EIF4G2: variants seen among roughly 807,000 people sequenced by gnomAD.
EIF4G2 encodes eukaryotic translation initiation factor 4 gamma 2, also known as DAP-5.
In EIF4G2, 8 loss-of-function variants were observed where a neutral mutation model predicts 117.7. The ratio of observed to expected loss-of-function variants is 0.07; its 90% CI spans 0.04 to 0.12. EIF4G2 has a LOEUF of 0.12. Among genes scored for constraint, EIF4G2 ranks in the 10% least tolerant of loss-of-function variants. The pLI is 1.00. For synonymous variants in EIF4G2, 413 were observed against 367.8 expected, an observed-to-expected ratio of 1.12 and a Z score of -1.41; for missense variants, 812 against 1,086.2, an observed-to-expected ratio of 0.75 and a Z score of 3.55.
chr11:10,805,349 C>A (rs1847535061), intron 4 of EIF4G2, among the ~76,000 whole-genome samples: 1 of 152,172 alleles, frequency 6.6e-6, no homozygotes, highest in African/African-American at 2.4e-5. Flanking sequence ...ATAGCACTTC[C>A]CTTAGTCAAG....
At chr11:10,798,926 T>G in intron 21 of EIF4G2, 66 bp downstream of exon 21, 1 of 1,551,880 alleles carries the variant, frequency 6.4e-7, no homozygotes, top group Non-Finnish European at 8.7e-7. Flanking sequence ...TGAAAAAGGC[T>G]CTTAACTTGA....
At chr11:10,806,985 G>C (rs1370242168) in intron 2 of EIF4G2, 100 bp from the exon 3 acceptor site, 6 of 1,409,502 alleles carry the variant, frequency 4.3e-6, no homozygotes, top group Non-Finnish European at 5.9e-6. Flanking sequence ...AGAGATGGGG[G>C]TCTCGCTATT....
Position 10,805,824 on chromosome 11 carries a change from G to A in EIF4G2, c.248+83C>T, listed in dbSNP as rs1004792428. On this transcript the variant is annotated intron_variant, in intron 4 of 21. Transcript: ENST00000339995. Reference sequence around the variant, plus strand: ...CATACATACTCTGGGCATGAACCTTGCCTTCTTAGTAATACAGCACACACA... The same window carrying A: ...CATACATACTCTGGGCATGAACCTTACCTTCTTAGTAATACAGCACACACA... The A allele has an allele frequency of 7.6e-6, 12 of 1,584,130 alleles. No homozygotes were observed. In the African/African-American group the frequency reaches 1.3e-4, roughly 18 times the overall value.
At chr11:10,801,401 C>G in intron 14 of EIF4G2, 1 of 644,252 alleles carries the variant, frequency 1.6e-6, no homozygotes, top group Non-Finnish European at 2.7e-6. Context: ...TTAAATCACC[C>G]TTACAAAGAA....
At chr11:10,801,890 G>C in intron 13 of EIF4G2, 116 bp from the exon 14 acceptor site, 1 of 1,160,960 alleles carries the variant, frequency 8.6e-7, no homozygotes, top group Non-Finnish European at 1.2e-6. Flanking sequence ...TTTGCCCAGA[G>C]AAAGTAAAAG....
intron 4 of EIF4G2, among the ~76,000 whole-genome samples, chr11:10,805,512 G>A (rs560337732): frequency 3.3e-5 from 5 of 152,014 alleles, no homozygotes; most frequent in South Asian, 4.2e-4. Flanking sequence ...GTGCAGTGGC[G>A]TGATCTCGGC....
chr11:10,808,504 TC>T (rs1302168394), intron 1 of EIF4G2, 200 bp downstream of exon 1: 1 of 1,232,196 alleles, frequency 8.1e-7, no homozygotes, highest in African/African-American at 1.6e-5. Flanking sequence ...ACTGACGTTT[TC>T]CTTCTACTCC....
At chr11:10,808,040 A>C (rs1160187135) in intron 1 of EIF4G2, 1 of 1,029,726 alleles carries the variant, frequency 9.7e-7, no homozygotes, top group Non-Finnish European at 1.2e-6. Flanking sequence ...CTCGACGGGG[A>C]GGAGCAGCTG....
intron 11 of EIF4G2, 39 bp downstream of exon 11, chr11:10,802,991 C>T (rs1315514198): frequency 1.9e-6 from 3 of 1,581,326 alleles, no homozygotes; most frequent in Admixed American, 3.4e-5. Context: ...TCTACACACA[C>T]AGAGTCTATG....
Position 10,803,354 on chromosome 11 carries a change from T to C in EIF4G2, c.814-60A>G. On this transcript the variant is annotated intron_variant, in intron 9 of 21. Transcript: ENST00000339995. This position sits in a 1 kb window ranked among gnomAD's most constrained non-coding sequence, Gnocchi z 4.0. ...AAAGCAAATGTGTTCAATTTACAGC[T>C]TTAAGACTTCTAAAATTATAACCCA... 6.3e-7 allele frequency: 1 copy of C among 1,588,184 alleles called. No homozygotes were observed. Among genetic ancestry groups the C allele is most frequent in the East Asian group, 2.2e-5 (1 of 44,676 alleles).
rs1303081564 is a variant in EIF4G2, at chr11:10,802,112, T to A, written c.1236A>T (p.Gly412=). The change falls in exon 13 of 22, where the codon GGA becomes GGT. Residue 412 remains glycine, a synonymous_variant. Coordinates refer to ENST00000339995, the MANE Select transcript of EIF4G2 (RefSeq NM_001418.4). Reference sequence around the variant, plus strand: ...GCGATTGTGTGGGAGGCATGATGTGTCCCCCATGGCCATTGAAGAGTTGAT... The same window carrying A: ...GCGATTGTGTGGGAGGCATGATGTGACCCCCATGGCCATTGAAGAGTTGAT... 1.7e-6 allele frequency: 2 copies of A among 1,185,776 alleles called. No homozygotes were observed. The highest frequency in any genetic ancestry group is 2.1e-6 in the Non-Finnish European group (2 of 937,942). 73.5% of individuals were successfully genotyped at this position (1,185,776 alleles called of 1,614,324 possible). A position where few individuals can be genotyped will look rare whatever the true frequency, so the allele number is the denominator to read the frequency against.
chr11:10,800,823 C>A lies in EIF4G2; in HGVS notation c.1552G>T (p.Gly518Cys). Residue 518 changes from glycine to cysteine, a missense_variant, in exon 16 of 22, where the codon GGT (glycine) becomes TGT (cysteine). By Grantham distance (159) the Gly-to-Cys change is radical. Around this residue, in one of 4 missense-constraint regions of EIF4G2, gnomAD observed 571 missense variants for 642.3 expected, o/e 0.89. Coordinates refer to ENST00000339995, the MANE Select transcript of EIF4G2 (RefSeq NM_001418.4). ...ATAAGCGGTGGATTAGTTTTGAGAC[C>A]AAGCTGAGGTGTCTAAAAAACAAGC... is the stretch of plus-strand genomic sequence containing the variant. 1.9e-6 allele frequency: 3 copies of A among 1,613,926 alleles called. No homozygotes were observed. The highest frequency in any genetic ancestry group is 2.5e-6 in the Non-Finnish European group (3 of 1,179,964).
At chr11:10,799,888 CA>C in intron 18 of EIF4G2, 132 bp from the exon 19 acceptor site, 1 of 1,234,760 alleles carries the variant, frequency 8.1e-7, no homozygotes, top group Non-Finnish European at 1.1e-6. Flanking sequence ...ACCAACCCAG[CA>C]AATGAAAAAA....
chr11:10,801,197 C>T (rs1430190428), intron 14 of EIF4G2, 110 bp from the exon 15 acceptor site: 1 of 1,474,814 alleles, frequency 6.8e-7, no homozygotes, highest in Non-Finnish European at 9.0e-7. Context: ...AAACATTAAG[C>T]TTTTTGAAAA....
At chr11:10,798,808 A>G in intron 21 of EIF4G2, 184 bp downstream of exon 21, 1 of 717,580 alleles carries the variant, frequency 1.4e-6, no homozygotes, top group South Asian at 2.3e-5. Context: ...ACACCACTAG[A>G]ATTGATTCAT....
At chr11:10,806,751 T>A in intron 3 of EIF4G2, 69 bp downstream of exon 3, 1 of 1,556,172 alleles carries the variant, frequency 6.4e-7, no homozygotes, top group Non-Finnish European at 8.9e-7. Flanking sequence ...GCCTTAATTA[T>A]ACCGTCACAT....
At chr11:10,801,400 C>A in intron 14 of EIF4G2, 1 of 640,668 alleles carries the variant, frequency 1.6e-6, no homozygotes, top group Non-Finnish European at 2.7e-6. Context: ...GTTAAATCAC[C>A]CTTACAAAGA....
Position 10,799,028 on chromosome 11 carries a change from G to A in EIF4G2, c.2622C>T (p.Thr874=), listed in dbSNP as rs571005968. 42 of 1,610,964 alleles carry A rather than the reference G, an allele frequency of 2.6e-5. 2 individuals are homozygous for A. The South Asian group carries it at 4.4e-4, about 17-fold the overall frequency. The change falls in exon 21 of 22, where the codon ACC becomes ACT. Residue 874 remains threonine, a synonymous_variant. Transcript: ENST00000339995. ...CCTTGCCTTTTCCCGGAAACTCTTG[G>A]GTTATATCTTCTTTCCAAGCCAAGA...
At chr11:10,808,218 TCA>T (rs1254047856) in intron 1 of EIF4G2, 2 of 1,135,558 alleles carry the variant, frequency 1.8e-6, no homozygotes, top group African/African-American at 3.4e-5. Flanking sequence ...GCAGAAATCA[TCA>T]CTCTCTCTTT....
Sources: gnomAD v4.1 joint callset for allele counts (sites outside exome capture counted in the v4.1 genomes callset) on GRCh38, gnomAD v4.1.1 for gene constraint, gnomAD v4.1.1 regional missense constraint, Gnocchi (gnomAD v3.1) non-coding constraint, MANE v1.5 for transcripts, NCBI Gene and HGNC (gene_info 2026-07-23, HGNC 2026-07-21) for gene names.